The following PHF7 variants were observed in gnomAD, a reference collection of about 807,000 sequenced individuals.
PHF7 encodes the protein PHD finger protein 7.
A neutral mutation model predicts 47.5 loss-of-function variants in PHF7; 24 were observed. That is an observed-to-expected ratio of 0.51 (90% CI 0.37 to 0.71). The LOEUF (loss-of-function observed/expected upper bound fraction) is 0.71, where lower values mean the gene tolerates loss of function less well. PHF7 is among the 30% of genes least tolerant of loss of function. The pLI is 0.00. For missense variants in PHF7, 361 were observed against 456.8 expected (o/e 0.79, Z 1.91); for synonymous variants, 156 against 153.8 (o/e 1.01, Z -0.11).
intron 4 of PHF7, among the ~76,000 whole-genome samples, chr3:52,419,345 G>A (rs1559600539): frequency 6.6e-6 from 1 of 151,840 alleles, no homozygotes; most frequent in African/African-American, 2.4e-5. Flanking sequence ...ACCACTTAGA[G>A]TATTCAACAC....
chr3:52,417,944 C>G (rs1705671951), intron 4 of PHF7, among the ~76,000 whole-genome samples: 1 of 151,892 alleles, frequency 6.6e-6, no homozygotes, highest in Non-Finnish European at 1.5e-5. Context: ...GTTGAAGATC[C>G]CTTTTATTCA....
Position 52,422,898 on chromosome 3 carries a change from G to T in PHF7, c.919+17G>T. The T allele has an allele frequency of 6.2e-7, 1 of 1,613,998 alleles. No individual in the cohort carries two copies. Among genetic ancestry groups the T allele is most frequent in the Non-Finnish European group, 8.5e-7 (1 of 1,179,952 alleles). ...CAGCCACAGGTGAGGCTGGAGGGAT[G>T]GGCCGGCCTCAGAGCAAGGAGGGGG... On this transcript the variant is annotated intron_variant, in intron 10 of 10. Transcript: ENST00000327906.
intron 9 of PHF7, 155 bp downstream of exon 9, chr3:52,422,493 T>C (rs1705822076): frequency 3.0e-6 from 2 of 668,126 alleles, no homozygotes; most frequent in Admixed American, 2.3e-5. Flanking sequence ...CCGACTCACT[T>C]GTGTGCACGT....
chr3:52,414,659 A>G (rs1705566451), intron 4 of PHF7, 72 bp downstream of exon 4: 14 of 802,520 alleles, frequency 1.7e-5, no homozygotes, highest in South Asian at 7.8e-5. Context: ...TGTTACATTC[A>G]TCCTCATATC....
chr3:52,414,496 T>C lies in PHF7; in HGVS notation c.95T>C (p.Val32Ala). The C allele has an allele frequency of 6.2e-7, 1 of 1,602,100 alleles. No homozygotes were observed. The highest frequency in any genetic ancestry group is 2.2e-5 in the East Asian group (1 of 44,728). Reference sequence around the variant, plus strand: ...AAATTCTGGGTGTCCTCTCTTCCAGTTTGCTGGCTATGCCTTCGAGAACCT... The same window carrying C: ...AAATTCTGGGTGTCCTCTCTTCCAGCTTGCTGGCTATGCCTTCGAGAACCT... ...VTQRKPSSGP[V>A]CWLCLREPGD... Residue 32 changes from valine to alanine, a missense_variant and splice_region_variant, in exon 4 of 11, where the codon GTT (valine) becomes GCT (alanine). By Grantham distance (64) the Val-to-Ala change is moderately conservative. Coordinates refer to ENST00000327906, the MANE Select transcript of PHF7 (RefSeq NM_016483.7).
At chr3:52,420,289 C>G (rs770578118) in intron 5 of PHF7, 22 bp from the exon 6 acceptor site, 2 of 1,613,270 alleles carry the variant, frequency 1.2e-6, no homozygotes. Flanking sequence ...GTCCTGAGCA[C>G]TGTCTGGGAA....
In PHF7 at chr3:52,423,221, C is replaced by A; in HGVS notation, c.1050C>A (p.Ser350=). Residue 350 remains serine, a synonymous_variant, in exon 11 of 11, where the codon TCC becomes TCA. Coordinates refer to ENST00000327906, the MANE Select transcript of PHF7 (RefSeq NM_016483.7). The part of the protein sequence containing the change: ...GLSWTDWPEP[S]LLEKPESSRG... Reference sequence around the variant, plus strand: ...CTTGGACTGATTGGCCAGAACCTTCCTTATTAGAAAAGCCAGAGTCCTCTC... The same window carrying A: ...CTTGGACTGATTGGCCAGAACCTTCATTATTAGAAAAGCCAGAGTCCTCTC... 1 of 1,614,124 alleles carries A rather than the reference C, an allele frequency of 6.2e-7. No homozygotes were observed. The highest frequency in any genetic ancestry group is 8.5e-7 in the Non-Finnish European group (1 of 1,179,958).
intron 7 of PHF7, among the ~76,000 whole-genome samples, chr3:52,421,412 C>T (rs560187393): frequency 3.3e-5 from 5 of 152,288 alleles, no homozygotes; most frequent in East Asian, 3.9e-4. Flanking sequence ...TCAGTACTGC[C>T]GAGCCCCATG....
intron 1 of PHF7, among the ~76,000 whole-genome samples, chr3:52,411,918 A>G (rs915007656): frequency 6.6e-6 from 1 of 152,154 alleles, no homozygotes; most frequent in African/African-American, 2.4e-5. Context: ...CCTAGGTGAA[A>G]AGAATTGATA....
chr3:52,420,850 TG>T, intron 6 of PHF7, 52 bp from the exon 7 acceptor site: 1 of 1,550,402 alleles, frequency 6.4e-7, no homozygotes, highest in Non-Finnish European at 8.8e-7. Context: ...AGCGGGCCAT[TG>T]GGAAACTACA....
chr3:52,417,324 A>G (rs1274315690), intron 4 of PHF7, among the ~76,000 whole-genome samples: 1 of 152,210 alleles, frequency 6.6e-6, no homozygotes, highest in Non-Finnish European at 1.5e-5. Context: ...TTTTCTTTAA[A>G]AAAAAAGTCT....
intron 4 of PHF7, among the ~76,000 whole-genome samples, chr3:52,417,736 A>G (rs761758365): frequency 6.6e-6 from 1 of 152,198 alleles, no homozygotes; most frequent in Non-Finnish European, 1.5e-5. Flanking sequence ...GAATAAAGAC[A>G]GTTCTACTTC....
chr3:52,417,602 T>C (rs915650905), intron 4 of PHF7, among the ~76,000 whole-genome samples: 3 of 152,232 alleles, frequency 2.0e-5, no homozygotes, highest in Non-Finnish European at 4.4e-5. Context: ...TAGAAATGCA[T>C]TTTATTTTTG....
intron 2 of PHF7, among the ~76,000 whole-genome samples, chr3:52,413,209 GTACATAA>G (rs1175513361): frequency 6.6e-6 from 1 of 152,206 alleles, no homozygotes; most frequent in Non-Finnish European, 1.5e-5. Context: ...TCTGGAAAAT[GTACATAA>G]TAATGGCATG....
At chr3:52,411,794 A>C (rs1043126403) in intron 1 of PHF7, among the ~76,000 whole-genome samples, 2 of 152,270 alleles carry the variant, frequency 1.3e-5, no homozygotes, top group African/African-American at 2.4e-5. Context: ...TAACAGCCGG[A>C]GTTGGCTGAC....
intron 1 of PHF7, among the ~76,000 whole-genome samples, chr3:52,412,218 A>T (rs1005059612): frequency 1.5e-4 from 22 of 151,176 alleles, no homozygotes; most frequent in Admixed American, 2.6e-4. Context: ...AAAAAAAGTG[A>T]TAGAGCCTAG....
chr3:52,420,847 C>T (rs1705764454), intron 6 of PHF7, 56 bp from the exon 7 acceptor site: 1 of 1,534,592 alleles, frequency 6.5e-7, no homozygotes, highest in Non-Finnish European at 8.9e-7. Flanking sequence ...TAGAGCGGGC[C>T]ATTGGGAAAC....
Position 52,423,371 on chromosome 3 carries a change from C to CCCAA in PHF7, c.*54_*55insCCAA. The CCCAA allele has an allele frequency of 8.2e-7, 1 of 1,220,348 alleles. No homozygotes were observed. The highest frequency in any genetic ancestry group is 1.2e-6 in the Non-Finnish European group (1 of 841,594). 75.6% of individuals were successfully genotyped at this position (1,220,348 alleles called of 1,614,324 possible). A position where few individuals can be genotyped will look rare whatever the true frequency, so the allele number is the denominator to read the frequency against. On this transcript the variant is annotated 3_prime_UTR_variant, in exon 11 of 11. Coordinates refer to ENST00000327906, the MANE Select transcript of PHF7 (RefSeq NM_016483.7). ...AATAGGGTATGAAGCTGCGCTCCTCCATCGGGTTTGGGGAGGGAGCACTCT... is the reference window on the plus strand; with the variant it reads ...AATAGGGTATGAAGCTGCGCTCCTCCCCAAATCGGGTTTGGGGAGGGAGCACTCT...
chr3:52,419,293 C>A (rs939175796), intron 4 of PHF7, among the ~76,000 whole-genome samples: 1 of 152,134 alleles, frequency 6.6e-6, no homozygotes, highest in Non-Finnish European at 1.5e-5. Context: ...TAGTACCTAC[C>A]TCCTAGGGCT....
Sources: gnomAD v4.1 joint callset for allele counts (sites outside exome capture counted in the v4.1 genomes callset) on GRCh38, gnomAD v4.1.1 for gene constraint, MANE v1.5 for transcripts, NCBI Gene and HGNC (gene_info 2026-07-23, HGNC 2026-07-21) for gene names.